Variants in SAMTOR observed in about 807,000 individuals in gnomAD.
SAMTOR encodes UPF0532 protein C7orf60.
the SAMTOR span, among the ~76,000 whole-genome samples, chr7:112,893,732 T>C: frequency 6.6e-6 from 1 of 152,134 alleles, no homozygotes; most frequent in Non-Finnish European, 1.5e-5. Context: ...TGAAACCCCG[T>C]CTCTACTAAA....
At chr7:112,881,732 C>T in the SAMTOR span, among the ~76,000 whole-genome samples, 1 of 152,192 alleles carries the variant, frequency 6.6e-6, no homozygotes, top group Non-Finnish European at 1.5e-5. Flanking sequence ...TGCAGAGAAG[C>T]TACCACTTGG....
the SAMTOR span, among the ~76,000 whole-genome samples, chr7:112,930,469 A>G: frequency 2.6e-5 from 4 of 152,116 alleles, no homozygotes; most frequent in East Asian, 3.9e-4. Context: ...ATATTCTGAC[A>G]TGCTAAAAAG....
chr7:112,857,125 C>A, the SAMTOR span, among the ~76,000 whole-genome samples: 1 of 140,304 alleles, frequency 7.1e-6, no homozygotes. Context: ...TCGCCTGTCG[C>A]CCAGGCCGGA....
At chr7:112,822,489 T>C in the SAMTOR span, 1 of 895,048 alleles carries the variant, frequency 1.1e-6, no homozygotes, top group Non-Finnish European at 1.7e-6. Context: ...TGATTATACA[T>C]TTTTCCTTTT....
the SAMTOR span, among the ~76,000 whole-genome samples, chr7:112,833,488 G>A: frequency 1.3e-5 from 2 of 151,930 alleles, no homozygotes; most frequent in Admixed American, 6.6e-5. Flanking sequence ...CTCAAAAAGT[G>A]GTACATATCA....
chr7:112,836,701 A>ACCATTTATTG, the SAMTOR span, among the ~76,000 whole-genome samples: 1 of 151,410 alleles, frequency 6.6e-6, no homozygotes, highest in Non-Finnish European at 1.5e-5. Flanking sequence ...TTATCCCAGC[A>ACCATTTATTG]AATAGCGAGT....
chr7:112,910,157 C>T, the SAMTOR span, among the ~76,000 whole-genome samples: 875 of 151,536 alleles, frequency 5.8e-3, 13 homozygotes, highest in African/African-American at 0.019. Flanking sequence ...AACACCCCAC[C>T]CCCCAAAAAA....
chr7:112,851,361 C>A, the SAMTOR span, among the ~76,000 whole-genome samples: 1 of 151,816 alleles, frequency 6.6e-6, no homozygotes, highest in Non-Finnish European at 1.5e-5. Flanking sequence ...TATAGATCAG[C>A]GGAACAAAGC....
chr7:112,902,317 C>G, the SAMTOR span, among the ~76,000 whole-genome samples: 1 of 149,704 alleles, frequency 6.7e-6, no homozygotes, highest in African/African-American at 2.5e-5. Flanking sequence ...AGGAAAATTG[C>G]TTGAACCGGG....
the SAMTOR span, among the ~76,000 whole-genome samples, chr7:112,937,289 TAGA>T: frequency 6.6e-6 from 1 of 152,196 alleles, no homozygotes; most frequent in Admixed American, 6.5e-5. Flanking sequence ...CATTTGCTGG[TAGA>T]AGAATTGTGA....
chr7:112,838,969 G>A, the SAMTOR span, among the ~76,000 whole-genome samples: 1 of 151,852 alleles, frequency 6.6e-6, no homozygotes, highest in Non-Finnish European at 1.5e-5. Flanking sequence ...TGTCAAAGCA[G>A]TGACACCACA....
At chr7:112,889,279 G>A in the SAMTOR span, among the ~76,000 whole-genome samples, 1 of 152,152 alleles carries the variant, frequency 6.6e-6, no homozygotes, top group Non-Finnish European at 1.5e-5. Context: ...TGGTATCAAA[G>A]AGTATCAATT....
At chr7:112,824,345 A>G in the SAMTOR span, among the ~76,000 whole-genome samples, 1 of 151,164 alleles carries the variant, frequency 6.6e-6, no homozygotes, top group Non-Finnish European at 1.5e-5. Context: ...ATACATTTTG[A>G]GTTTTTTTTG....
chr7:112,841,598 A>C, the SAMTOR span, among the ~76,000 whole-genome samples: 1 of 152,158 alleles, frequency 6.6e-6, no homozygotes, highest in African/African-American at 2.4e-5. Context: ...TATGGAACCA[A>C]AAAAGGAGCC....
the SAMTOR span, chr7:112,939,707 C>A: frequency 6.2e-7 from 1 of 1,610,542 alleles, no homozygotes; most frequent in Non-Finnish European, 8.5e-7. Flanking sequence ...GGACCCGGCC[C>A]TCTGCGCACG....
chr7:112,832,154 G>A, the SAMTOR span, among the ~76,000 whole-genome samples: 1 of 151,926 alleles, frequency 6.6e-6, no homozygotes, highest in African/African-American at 2.4e-5. Flanking sequence ...TGGGATTATG[G>A]GCGCTTGCCA....
the SAMTOR span, among the ~76,000 whole-genome samples, chr7:112,852,242 G>GTATA: frequency 1.3e-5 from 2 of 152,094 alleles, no homozygotes; most frequent in Non-Finnish European, 2.9e-5. Flanking sequence ...AAAATGTGGT[G>GTATA]TATATATGTA....
the SAMTOR span, among the ~76,000 whole-genome samples, chr7:112,889,899 A>C: frequency 2.0e-5 from 3 of 152,138 alleles, no homozygotes; most frequent in Admixed American, 2.0e-4. Context: ...GGCTAACTTG[A>C]TTTGGAGCAA....
chr7:112,900,092 C>A, the SAMTOR span, among the ~76,000 whole-genome samples: 3 of 151,700 alleles, frequency 2.0e-5, no homozygotes, highest in Non-Finnish European at 2.9e-5. Context: ...GAGGAAAAAA[C>A]CCAATGGGAT....
Sources: gnomAD v4.1 joint callset for allele counts (sites outside exome capture counted in the v4.1 genomes callset) on GRCh38, gnomAD v4.1.1 for gene constraint, MANE v1.5 for transcripts, NCBI Gene and HGNC (gene_info 2026-07-23, HGNC 2026-07-21) for gene names.